NTAQ1: variants seen among roughly 807,000 people sequenced by gnomAD.
NTAQ1 encodes N-terminal glutamine amidase 1.
A neutral mutation model predicts 28.2 loss-of-function variants in NTAQ1; 21 were observed. That is an observed-to-expected ratio of 0.74 (90% CI 0.53 to 1.07). NTAQ1 has a LOEUF of 1.07. Ranked by LOEUF, NTAQ1 falls within the 50% of genes least tolerant of loss-of-function variation. The pLI is 0.00. For missense variants in NTAQ1, 264 were observed against 256.6 expected (o/e 1.03, Z -0.20); for synonymous variants, 105 against 90.0 (o/e 1.17, Z -0.94).
chr8:123,423,714 G>A (rs1447038930), intron 1 of NTAQ1, among the ~76,000 whole-genome samples: 1 of 151,896 alleles, frequency 6.6e-6, no homozygotes, highest in Non-Finnish European at 1.5e-5. Context: ...TGACTAAAAG[G>A]GACTAAAAAG....
chr8:123,473,298 C>CTT (rs112065412), downstream of NTAQ1, among the ~76,000 whole-genome samples: 2,498 of 140,142 alleles, frequency 0.018, 68 homozygotes, highest in African/African-American at 0.06. Context: ...TCTTGAAATT[C>CTT]TTTTTTTTTT....
rs1815079529 is a variant in NTAQ1 at position 123,441,730 on chromosome 8, A to G, written c.*315A>G. 3 of 292,786 alleles carry G rather than the reference A, an allele frequency of 1.0e-5. No homozygotes were observed. The South Asian group carries it at 1.7e-4, about 17-fold the overall frequency. The allele number at this position is 292,786 out of a possible 1,614,324, so 18.1% of individuals were successfully genotyped here. The stretch of plus-strand genomic sequence containing the variant: ...GGTGTGGAGGTAGAGCCAGCCCCTC[A>G]TGTCTGTTTTGGATGTTTTGTGTCT... On this transcript the variant is annotated 3_prime_UTR_variant, in exon 6 of 6. Coordinates refer to ENST00000287387, the MANE Select transcript of NTAQ1 (RefSeq NM_018024.3).
At chr8:123,446,918 TG>T (rs1322823389), downstream of NTAQ1, among the ~76,000 whole-genome samples, 2 of 152,146 alleles carry the variant, frequency 1.3e-5, no homozygotes, top group African/African-American at 4.8e-5. Context: ...AACAACAACA[TG>T]GGGGAAGCCT....
downstream of NTAQ1, among the ~76,000 whole-genome samples, chr8:123,450,133 G>T (rs1254847721): frequency 2.0e-5 from 3 of 150,340 alleles, no homozygotes; most frequent in African/African-American, 7.3e-5. Context: ...CCTAGCCTAG[G>T]GAGCTTTTAT....
chr8:123,445,671 T>A (rs1487244239), downstream of NTAQ1, among the ~76,000 whole-genome samples: 2 of 152,244 alleles, frequency 1.3e-5, no homozygotes, highest in African/African-American at 4.8e-5. Context: ...AGTGTTGTGA[T>A]CTCAGCTCAT....
Position 123,433,460 on chromosome 8 carries a change from G to T in NTAQ1, c.235-2993G>T, listed in dbSNP as rs917844311. On this transcript the variant is annotated intron_variant, in intron 3 of 5. Coordinates refer to ENST00000287387, the MANE Select transcript of NTAQ1 (RefSeq NM_018024.3). ...ATTTTTTATTTTTATTTATTTATTT[G>T]TTTTTGAGACAGATTCTTGCTCTGT... is the stretch of plus-strand genomic sequence containing the variant. Among the ~76,000 whole-genome samples the T allele has an allele frequency of 3.3e-5, 5 of 151,736 alleles. 1 individual carries two copies. The highest frequency in any genetic ancestry group is 7.4e-5 in the Non-Finnish European group (5 of 67,922).
downstream of NTAQ1, among the ~76,000 whole-genome samples, chr8:123,446,194 CAG>C (rs771828329): frequency 6.6e-6 from 1 of 151,732 alleles, no homozygotes; most frequent in Non-Finnish European, 1.5e-5. Context: ...ATAGTAGAGA[CAG>C]AGGTTCACCA....
chr8:123,466,804 T>G (rs1320616077), intron 6 of NTAQ1, among the ~76,000 whole-genome samples: 1 of 152,214 alleles, frequency 6.6e-6, no homozygotes, highest in Non-Finnish European at 1.5e-5. Flanking sequence ...GAACCTCCAT[T>G]CTGTTTTCCA....
intron 1 of NTAQ1, among the ~76,000 whole-genome samples, chr8:123,421,106 C>G (rs142123593): frequency 0.025 from 3,804 of 150,782 alleles, 146 homozygotes; most frequent in African/African-American, 0.086. Flanking sequence ...TTTTTTGAGA[C>G]AGAATCTCAC....
chr8:123,472,708 T>C (rs1816052863), downstream of NTAQ1, among the ~76,000 whole-genome samples: 1 of 152,236 alleles, frequency 6.6e-6, no homozygotes, highest in Non-Finnish European at 1.5e-5. Context: ...GCAGAAACCC[T>C]GTTTCCAAAC....
At chr8:123,420,202 A>G (rs929872927) in intron 1 of NTAQ1, among the ~76,000 whole-genome samples, 2 of 152,136 alleles carry the variant, frequency 1.3e-5, no homozygotes, top group Admixed American at 6.6e-5. Flanking sequence ...CACTTGGGAT[A>G]TTGGCCTCCA....
intron 6 of NTAQ1, among the ~76,000 whole-genome samples, chr8:123,466,093 G>C (rs1457784027): frequency 6.6e-6 from 1 of 152,170 alleles, no homozygotes; most frequent in Non-Finnish European, 1.5e-5. Context: ...CAGAGAACCA[G>C]GGGCTGAGGG....
At chr8:123,474,858 G>A (rs899182547), downstream of NTAQ1, among the ~76,000 whole-genome samples, 2 of 152,206 alleles carry the variant, frequency 1.3e-5, no homozygotes, top group Non-Finnish European at 2.9e-5. Context: ...TTGCACTCTA[G>A]CCTGGGGGAT....
chr8:123,447,464 A>G (rs189744830), intron 6 of NTAQ1, among the ~76,000 whole-genome samples: 1 of 152,342 alleles, frequency 6.6e-6, no homozygotes, highest in East Asian at 1.9e-4. Context: ...TGTATTATCT[A>G]GAAGTCATTG....
chr8:123,473,675 C>A (rs1406857900), downstream of NTAQ1, among the ~76,000 whole-genome samples: 1 of 152,170 alleles, frequency 6.6e-6, no homozygotes, highest in African/African-American at 2.4e-5. Context: ...CACATATATT[C>A]AACATTCCCA....
At chr8:123,427,012 G>A (rs539513123) in intron 1 of NTAQ1, among the ~76,000 whole-genome samples, 1 of 152,128 alleles carries the variant, frequency 6.6e-6, no homozygotes, top group African/African-American at 2.4e-5. Flanking sequence ...TACTAGAGGG[G>A]CATGGGGAAT....
downstream of NTAQ1, among the ~76,000 whole-genome samples, chr8:123,473,928 A>G (rs925689994): frequency 6.6e-5 from 10 of 152,028 alleles, no homozygotes; most frequent in Non-Finnish European, 7.4e-5. Context: ...TTGCATTGTT[A>G]TTATTATTAC....
intron 6 of NTAQ1, among the ~76,000 whole-genome samples, chr8:123,455,400 C>G (rs1266021230): frequency 6.6e-6 from 1 of 151,294 alleles, no homozygotes; most frequent in Admixed American, 6.6e-5. Flanking sequence ...TTACCAATAT[C>G]CTCAAACCCC....
intron 6 of NTAQ1, among the ~76,000 whole-genome samples, chr8:123,463,011 G>C (rs545734729): frequency 3.3e-5 from 5 of 152,284 alleles, no homozygotes; most frequent in African/African-American, 9.6e-5. Flanking sequence ...TGGTACACCA[G>C]GGGGAGCATT....
Sources: gnomAD v4.1 joint callset for allele counts (sites outside exome capture counted in the v4.1 genomes callset) on GRCh38, gnomAD v4.1.1 for gene constraint, MANE v1.5 for transcripts, NCBI Gene and HGNC (gene_info 2026-07-23, HGNC 2026-07-21) for gene names.